Variants in LIN54 observed in about 807,000 individuals in gnomAD.
The protein encoded by LIN54 is lin-54 DREAM MuvB core complex component, also known as protein lin-54 homolog.
Under a neutral mutation model 78.7 loss-of-function variants are expected in LIN54, and 9 were observed. The ratio of observed to expected loss-of-function variants is 0.11; its 90% CI spans 0.07 to 0.20. The LOEUF (loss-of-function observed/expected upper bound fraction) is 0.20. LIN54 is among the 10% of genes least tolerant of loss of function. The pLI, the probability that LIN54 is intolerant of heterozygous loss-of-function variation, is 1.00. For synonymous variants in LIN54, 269 were observed against 318.4 expected (o/e 0.84, Z 1.65); for missense variants, 573 against 889.9 (o/e 0.64, Z 4.53).
chr4:82,946,063 T>C (rs979792745), intron 5 of LIN54, among the ~76,000 whole-genome samples, 195 bp downstream of exon 5: 1 of 151,918 alleles, frequency 6.6e-6, no homozygotes, highest in Admixed American at 6.5e-5. Flanking sequence ...AATACCACAC[T>C]GTGTACCAAC....
chr4:82,971,669 A>G (rs1725666740), intron 3 of LIN54, among the ~76,000 whole-genome samples: 1 of 152,200 alleles, frequency 6.6e-6, no homozygotes, highest in Non-Finnish European at 1.5e-5. Context: ...TCAAATGCAG[A>G]GAAACAGAAA....
intron 11 of LIN54, among the ~76,000 whole-genome samples, chr4:82,932,657 TAAA>T (rs780756470): frequency 3.0e-5 from 4 of 132,714 alleles, no homozygotes; most frequent in Admixed American, 7.6e-5. Context: ...CATCTCTCTT[TAAA>T]AAAAAAAAAA....
intron 1 of LIN54, among the ~76,000 whole-genome samples, chr4:83,000,082 T>C (rs1728624207): frequency 6.6e-6 from 1 of 151,796 alleles, no homozygotes; most frequent in Non-Finnish European, 1.5e-5. Context: ...TTTATAGAGA[T>C]AGGGTCTCAT....
intron 1 of LIN54, among the ~76,000 whole-genome samples, chr4:82,993,985 C>T (rs1224354661): frequency 6.6e-6 from 1 of 152,038 alleles, no homozygotes; most frequent in Non-Finnish European, 1.5e-5. Flanking sequence ...ACAAAGCCTC[C>T]AATATTTGCT....
intron 4 of LIN54, among the ~76,000 whole-genome samples, chr4:82,966,330 T>C (rs1437039978): frequency 6.6e-6 from 1 of 152,072 alleles, no homozygotes; most frequent in Non-Finnish European, 1.5e-5. Context: ...TTTTCTGCTA[T>C]CTCAGAATCT....
intron 1 of LIN54, among the ~76,000 whole-genome samples, chr4:83,001,607 A>G (rs1013590297): frequency 6.6e-6 from 1 of 151,402 alleles, no homozygotes; most frequent in Non-Finnish European, 1.5e-5. Context: ...GCACCTTGGG[A>G]GGCCGAGGCA....
rs1185315295 is a variant in LIN54, at chr4:82,925,099, C to T, written c.*3003G>A. 1 of 152,528 alleles carries T rather than the reference C, an allele frequency of 6.6e-6. No homozygotes were observed. Among genetic ancestry groups the T allele is most frequent in the Non-Finnish European group, 1.5e-5 (1 of 68,022 alleles). 9.4% of individuals were successfully genotyped at this position (152,528 alleles called of 1,614,324 possible). A position where few individuals can be genotyped will look rare whatever the true frequency, so the allele number is the denominator to read the frequency against. ...TAACATTAAGGTTCTGTTTCCCAGA[C>T]CCCAGAGATAAGACCTACAGGTTGT... On this transcript the variant is annotated 3_prime_UTR_variant, in exon 13 of 13. Transcript: ENST00000340417.
chr4:82,996,072 G>A (rs186306709), intron 1 of LIN54, among the ~76,000 whole-genome samples: 2 of 151,850 alleles, frequency 1.3e-5, no homozygotes, highest in Non-Finnish European at 2.9e-5. Flanking sequence ...TTGAACCCGG[G>A]AGGCGGAGGT....
Position 82,927,817 on chromosome 4 carries a change from A to T in LIN54, c.*285T>A. 3.4e-6 allele frequency: 1 copy of T among 294,126 alleles called. No individual in the cohort carries two copies. Among genetic ancestry groups the T allele is most frequent in the Non-Finnish European group, 5.9e-6 (1 of 168,420 alleles). 18.2% of individuals were successfully genotyped at this position (294,126 alleles called of 1,614,324 possible). On this transcript the variant is annotated 3_prime_UTR_variant, in exon 13 of 13. Transcript: ENST00000340417. Reference sequence around the variant, plus strand: ...TGAATTTATAAACATTTTTTGTCAAAGGTATCAGAAAGAGAACATCTAATT... The same window carrying T: ...TGAATTTATAAACATTTTTTGTCAATGGTATCAGAAAGAGAACATCTAATT...
At chr4:82,942,888 A>T (rs1316344474) in intron 5 of LIN54, among the ~76,000 whole-genome samples, 34 of 141,256 alleles carry the variant, frequency 2.4e-4, no homozygotes, top group Non-Finnish European at 3.2e-4. Context: ...ACACACACAC[A>T]CACACCCTCC....
intron 5 of LIN54, among the ~76,000 whole-genome samples, chr4:82,941,778 T>C (rs1055585523): frequency 6.6e-6 from 1 of 152,158 alleles, no homozygotes; most frequent in African/African-American, 2.4e-5. Flanking sequence ...TGTAAGTCAC[T>C]GCAGAGCTTT....
At chr4:82,976,398 AT>A (rs1192422571) in intron 3 of LIN54, among the ~76,000 whole-genome samples, 2 of 149,222 alleles carry the variant, frequency 1.3e-5, no homozygotes, top group East Asian at 2.0e-4. Flanking sequence ...AAAAAAAAAA[AT>A]CTCAAGGTAC....
At chr4:82,937,021 T>C (rs1722445729) in intron 9 of LIN54, among the ~76,000 whole-genome samples, 1 of 152,160 alleles carries the variant, frequency 6.6e-6, no homozygotes. Flanking sequence ...GTGATTCATG[T>C]ATGGTAAGGA....
At chr4:82,978,671 G>T (rs1726373394) in intron 3 of LIN54, among the ~76,000 whole-genome samples, 1 of 152,168 alleles carries the variant, frequency 6.6e-6, no homozygotes, top group Non-Finnish European at 1.5e-5. Flanking sequence ...TAGTATCATG[G>T]TAAATTTCTA....
At chr4:83,001,603 T>C (rs1728778996) in intron 1 of LIN54, among the ~76,000 whole-genome samples, 1 of 150,596 alleles carries the variant, frequency 6.6e-6, no homozygotes, top group Non-Finnish European at 1.5e-5. Flanking sequence ...CCCAGCACCT[T>C]GGGAGGCCGA....
intron 12 of LIN54, among the ~76,000 whole-genome samples, chr4:82,929,640 A>G (rs1026761330): frequency 3.8e-4 from 58 of 152,008 alleles, no homozygotes; most frequent in Admixed American, 4.6e-4. Flanking sequence ...CCTCATCTCT[A>G]CCAAAAATAC....
At chr4:83,009,950 T>G (rs144928624) in intron 1 of LIN54, among the ~76,000 whole-genome samples, 10 of 152,328 alleles carry the variant, frequency 6.6e-5, no homozygotes, top group African/African-American at 2.4e-4. Flanking sequence ...AAAATATAAC[T>G]GAGAGTATCT....
chr4:82,947,450 G>T (rs1162384622), intron 4 of LIN54, among the ~76,000 whole-genome samples: 1 of 146,342 alleles, frequency 6.8e-6, no homozygotes, highest in Admixed American at 6.8e-5. Context: ...TAGACACAGG[G>T]TCTCACTTTG....
intron 11 of LIN54, 95 bp downstream of exon 11, chr4:82,935,886 G>T: frequency 8.1e-7 from 1 of 1,238,060 alleles, no homozygotes; most frequent in Non-Finnish European, 1.2e-6. Flanking sequence ...AATTGCAATA[G>T]CAAGGTGATT....
Sources: allele counts gnomAD v4.1 joint callset (sites outside exome capture counted in the v4.1 genomes callset), GRCh38; gene constraint gnomAD v4.1.1; transcripts MANE v1.5; gene names NCBI Gene and HGNC (gene_info 2026-07-23, HGNC 2026-07-21).